The following LPP variants were observed in gnomAD, a reference collection of about 807,000 sequenced individuals.
LPP encodes the protein LIM domain containing preferred translocation partner in lipoma.
LPP carries 38 observed loss-of-function variants against 60.4 expected under a neutral mutation model. The ratio of observed to expected loss-of-function variants is 0.63; its 90% CI spans 0.49 to 0.83. LPP has a LOEUF of 0.83. Ranked by LOEUF, LPP falls within the 40% of genes least tolerant of loss-of-function variation. The pLI, the probability that LPP is intolerant of heterozygous loss-of-function variation, is 0.00. For missense variants in LPP, 902 were observed against 783.6 expected, an observed-to-expected ratio of 1.15 and a Z score of -1.80; for synonymous variants, 328 against 290.8, an observed-to-expected ratio of 1.13 and a Z score of -1.30.
At chr3:188,154,461 G>A (rs930426950) in intron 1 of LPP, among the ~76,000 whole-genome samples, 2 of 152,140 alleles carry the variant, frequency 1.3e-5, no homozygotes, top group Admixed American at 6.5e-5. Context: ...TTTTCCAAAA[G>A]CGTCGACCCC....
At chr3:188,855,718 T>C (rs1763682986) in intron 9 of LPP, among the ~76,000 whole-genome samples, 1 of 152,202 alleles carries the variant, frequency 6.6e-6, no homozygotes, top group Non-Finnish European at 1.5e-5. Flanking sequence ...CTATTGAAGC[T>C]TTTGTTCAGC....
intron 9 of LPP, among the ~76,000 whole-genome samples, chr3:188,803,636 T>C (rs1258667962): frequency 3.9e-5 from 6 of 152,214 alleles, no homozygotes; most frequent in Admixed American, 6.5e-5. Context: ...ATGGGTCTAT[T>C]TCTGGATTCT....
chr3:188,416,272 T>G (rs756685663), intron 4 of LPP, among the ~76,000 whole-genome samples: 10 of 152,166 alleles, frequency 6.6e-5, no homozygotes, highest in Non-Finnish European at 1.5e-4. Flanking sequence ...ACCTGTGGTT[T>G]TCAAAGCTGG....
intron 2 of LPP, among the ~76,000 whole-genome samples, chr3:188,229,070 C>T (rs1214652769): frequency 2.0e-5 from 3 of 152,210 alleles, no homozygotes; most frequent in East Asian, 1.9e-4. Context: ...GGCACTAACT[C>T]GTCCTCAGTC....
At chr3:188,227,323 G>A (rs1297511811) in intron 2 of LPP, among the ~76,000 whole-genome samples, 1 of 142,532 alleles carries the variant, frequency 7.0e-6, no homozygotes, top group Non-Finnish European at 1.5e-5. Flanking sequence ...ATCTCCTAAT[G>A]CTATCCCTCC....
rs1026374563 is a variant in LPP at position 188,319,476 on chromosome 3, C to A, written c.-66-22187C>A. Among the ~76,000 whole-genome samples, 44 of 152,284 alleles carry A rather than the reference C, an allele frequency of 2.9e-4. 1 individual carries two copies. Among genetic ancestry groups the A allele is most frequent in the African/African-American group, 1.0e-3 (43 of 41,550 alleles). ...ATTCACCTTTCTTGCTCCCATTGAGCCTTTTAACTAATCAAATGCATTTGA... is the reference window on the plus strand; with the variant it reads ...ATTCACCTTTCTTGCTCCCATTGAGACTTTTAACTAATCAAATGCATTTGA... On this transcript the variant is annotated intron_variant, in intron 2 of 11. Coordinates refer to ENST00000617246, the MANE Select transcript of LPP (RefSeq NM_001375462.1).
chr3:188,504,015 T>G (rs1048685162), intron 5 of LPP, among the ~76,000 whole-genome samples: 2 of 152,192 alleles, frequency 1.3e-5, no homozygotes, highest in Non-Finnish European at 2.9e-5. Context: ...GATTATTTCT[T>G]CAAGTATTGT....
chr3:188,364,180 T>C (rs554726130), intron 3 of LPP, among the ~76,000 whole-genome samples: 236 of 152,330 alleles, frequency 1.5e-3, no homozygotes, highest in African/African-American at 5.4e-3. Context: ...GCCCGACTCA[T>C]TGTTTATGCT....
At chr3:188,861,294 C>T (rs1367146910) in intron 9 of LPP, among the ~76,000 whole-genome samples, 1 of 152,142 alleles carries the variant, frequency 6.6e-6, no homozygotes, top group Non-Finnish European at 1.5e-5. Context: ...AAGACCTAAA[C>T]TATCTAGATC....
chr3:188,785,664 A>G (rs1355943804), intron 9 of LPP, among the ~76,000 whole-genome samples: 1 of 151,370 alleles, frequency 6.6e-6, no homozygotes, highest in Non-Finnish European at 1.5e-5. Context: ...TTGTGCTGCT[A>G]TAAACATGCT....
intron 9 of LPP, among the ~76,000 whole-genome samples, chr3:188,770,136 C>A (rs1047265444): frequency 6.7e-6 from 1 of 150,154 alleles, no homozygotes; most frequent in Non-Finnish European, 1.5e-5. Context: ...AGGAAAGGAG[C>A]CTATTCCTCA....
At chr3:188,812,774 CCT>C (rs35953542) in intron 9 of LPP, among the ~76,000 whole-genome samples, 75,235 of 147,966 alleles carry the variant, frequency 0.51, 19,399 homozygotes, top group East Asian at 0.84. Flanking sequence ...TCTCACTCTC[CCT>C]CTCTCTCTCT....
intron 2 of LPP, among the ~76,000 whole-genome samples, chr3:188,302,292 A>C (rs1442793505): frequency 6.6e-6 from 1 of 152,222 alleles, no homozygotes; most frequent in East Asian, 1.9e-4. Flanking sequence ...TGAGTGCCAC[A>C]GTTTTTGTGG....
chr3:188,642,404 T>A (rs1400929994), intron 7 of LPP, among the ~76,000 whole-genome samples: 1 of 152,162 alleles, frequency 6.6e-6, no homozygotes, highest in Admixed American at 6.5e-5. Flanking sequence ...TTGGTTAACG[T>A]TTAGTAGTCA....
chr3:188,753,627 G>GT (rs1183392244), intron 8 of LPP, among the ~76,000 whole-genome samples: 25 of 140,896 alleles, frequency 1.8e-4, no homozygotes, highest in South Asian at 4.5e-4. Flanking sequence ...TTTGTTTTTT[G>GT]TTTTTTTTTA....
chr3:188,165,001 A>C (rs1219315288), intron 1 of LPP, among the ~76,000 whole-genome samples: 1 of 152,084 alleles, frequency 6.6e-6, no homozygotes, highest in Non-Finnish European at 1.5e-5. Flanking sequence ...GGCTAGGTGC[A>C]GTAGCTCACA....
intron 6 of LPP, among the ~76,000 whole-genome samples, chr3:188,563,451 T>G (rs910145497): frequency 7.3e-6 from 1 of 136,282 alleles, no homozygotes; most frequent in Non-Finnish European, 1.6e-5. Flanking sequence ...TGTATACATT[T>G]ACATATATAT....
intron 9 of LPP, among the ~76,000 whole-genome samples, chr3:188,793,262 A>G (rs1744357272): frequency 6.6e-6 from 1 of 151,144 alleles, no homozygotes; most frequent in Non-Finnish European, 1.5e-5. Context: ...TGTTCCCGCA[A>G]CCTATGCCTC....
intron 9 of LPP, among the ~76,000 whole-genome samples, chr3:188,769,300 A>C (rs1470737205): frequency 6.6e-6 from 1 of 152,122 alleles, no homozygotes; most frequent in African/African-American, 2.4e-5. Context: ...TCAGTGGGGG[A>C]ATGAATAGTT....
Sources: gnomAD v4.1 joint callset for allele counts (sites outside exome capture counted in the v4.1 genomes callset) on GRCh38, gnomAD v4.1.1 for gene constraint, MANE v1.5 for transcripts, NCBI Gene and HGNC (gene_info 2026-07-23, HGNC 2026-07-21) for gene names.